The following PRIM2 variants were observed in gnomAD, a reference collection of about 807,000 sequenced individuals.
The protein encoded by PRIM2 is DNA primase subunit 2, also known as DNA primase large subunit.
Under a neutral mutation model 67.3 loss-of-function variants are expected in PRIM2, and 39 were observed. That is an observed-to-expected ratio of 0.58 (90% CI 0.45 to 0.76). The LOEUF is 0.76. PRIM2 is among the 30% of genes least tolerant of loss of function. The pLI is 0.00. For missense variants in PRIM2, 398 were observed against 598.7 expected (o/e 0.66, Z 3.50); for synonymous variants, 143 against 198.7 (o/e 0.72, Z 2.36).
At chr6:57,563,502 T>C (rs1356826098) in intron 10 of PRIM2, among the ~76,000 whole-genome samples, 2 of 152,184 alleles carry the variant, frequency 1.3e-5, no homozygotes, top group African/African-American at 4.8e-5. Context: ...ATTTGGGGCA[T>C]AAGGTTACGT....
At chr6:57,408,277 C>T (rs527937058) in intron 7 of PRIM2, among the ~76,000 whole-genome samples, 6 of 152,102 alleles carry the variant, frequency 3.9e-5, no homozygotes, top group South Asian at 4.1e-4. Flanking sequence ...AAGCAAGAAG[C>T]GCCCCTTTAC....
chr6:57,610,274 GC>G (rs1460325974), intron 12 of PRIM2, among the ~76,000 whole-genome samples: 2 of 152,012 alleles, frequency 1.3e-5, no homozygotes, highest in Non-Finnish European at 2.9e-5. Flanking sequence ...CACCATGTTG[GC>G]CAGGCCAGTC....
chr6:57,393,204 ATTCT>A (rs1770414533), intron 7 of PRIM2, among the ~76,000 whole-genome samples: 1 of 151,788 alleles, frequency 6.6e-6, no homozygotes, highest in African/African-American at 2.4e-5. Flanking sequence ...GCAGTTCTTG[ATTCT>A]TTTAGTTCTT....
At chr6:57,614,019 C>A (rs1275262798) in intron 12 of PRIM2, among the ~76,000 whole-genome samples, 3 of 152,044 alleles carry the variant, frequency 2.0e-5, no homozygotes, top group Non-Finnish European at 4.4e-5. Context: ...CAGGGCTGTT[C>A]ATTATATCAG....
At chr6:57,449,460 A>G (rs1477560850) in intron 7 of PRIM2, among the ~76,000 whole-genome samples, 5 of 152,164 alleles carry the variant, frequency 3.3e-5, no homozygotes, top group Admixed American at 6.5e-5. Flanking sequence ...TTTTATGTAA[A>G]TACATCCCAT....
intron 7 of PRIM2, among the ~76,000 whole-genome samples, chr6:57,418,770 C>G (rs13207578): frequency 2.6e-5 from 4 of 152,096 alleles, no homozygotes; most frequent in African/African-American, 7.2e-5. Context: ...TCCACAGTCT[C>G]TATAGAGGGA....
At chr6:57,364,445 T>C (rs5009315) in intron 5 of PRIM2, among the ~76,000 whole-genome samples, 2 of 152,206 alleles carry the variant, frequency 1.3e-5, no homozygotes, top group Non-Finnish European at 2.9e-5. Context: ...TTTTAAACCG[T>C]ATTTAGGATT....
chr6:57,619,399 C>T (rs1173803445), intron 12 of PRIM2, among the ~76,000 whole-genome samples: 7 of 152,206 alleles, frequency 4.6e-5, no homozygotes, highest in East Asian at 1.9e-4. Context: ...CACCAGCAAT[C>T]GATCCAAACC....
chr6:57,624,373 T>C (rs1776909317), intron 12 of PRIM2, among the ~76,000 whole-genome samples: 1 of 152,204 alleles, frequency 6.6e-6, no homozygotes, highest in African/African-American at 2.4e-5. Flanking sequence ...ACTAAGAAAA[T>C]CAGTATTTTG....
chr6:57,446,881 G>A (rs1772385921), intron 7 of PRIM2, among the ~76,000 whole-genome samples: 1 of 152,170 alleles, frequency 6.6e-6, no homozygotes, highest in African/African-American at 2.4e-5. Flanking sequence ...GGAAGGGAAG[G>A]TAGAAGTTGG....
At chr6:57,274,943 ATTTT>A in the PRIM2 span, among the ~76,000 whole-genome samples, 1 of 137,386 alleles carries the variant, frequency 7.3e-6, no homozygotes, top group Non-Finnish European at 1.5e-5. Flanking sequence ...CACCTGGCTA[ATTTT>A]TTTTTTTTTT....
At chr6:57,292,591 G>A in the PRIM2 span, among the ~76,000 whole-genome samples, 1,154 of 152,090 alleles carry the variant, frequency 7.6e-3, 15 homozygotes, top group African/African-American at 0.027. Flanking sequence ...ACCTGACTTC[G>A]AACTAAACTA....
chr6:57,620,823 G>A (rs1324088798), intron 12 of PRIM2, among the ~76,000 whole-genome samples: 1 of 152,278 alleles, frequency 6.6e-6, no homozygotes, highest in East Asian at 1.9e-4. Context: ...ACAATCTGCT[G>A]CCTTCAGGAG....
chr6:57,637,559 A>T (rs1777143116), intron 13 of PRIM2, among the ~76,000 whole-genome samples: 1 of 152,206 alleles, frequency 6.6e-6, no homozygotes. Flanking sequence ...TAGAGAACAT[A>T]AATGACCTGA....
At chr6:57,445,953 G>A (rs1036440804) in intron 7 of PRIM2, among the ~76,000 whole-genome samples, 1 of 152,234 alleles carries the variant, frequency 6.6e-6, no homozygotes, top group Non-Finnish European at 1.5e-5. Context: ...AGTAATGTAT[G>A]TGTATGCTGC....
At position 57,603,998 on chromosome 6, in the gene PRIM2, G is replaced by T. The variant is rs1421864823; in HGVS notation, c.1148-2377G>T. On this transcript the variant is annotated intron_variant, in intron 11 of 13. Coordinates refer to ENST00000615550, the MANE Select transcript of PRIM2 (RefSeq NM_000947.5). Reference sequence around the variant, plus strand: ...TTGGCTGTCAGCTTGAACATTGTTGGTATGTAGAAATGCTACTGATTTTTA... The same window carrying T: ...TTGGCTGTCAGCTTGAACATTGTTGTTATGTAGAAATGCTACTGATTTTTA... Among the ~76,000 whole-genome samples the T allele has an allele frequency of 1.4e-4, 21 of 152,224 alleles. No homozygotes were observed. In the South Asian group the frequency reaches 4.4e-3, roughly 32 times the overall value.
the PRIM2 span, among the ~76,000 whole-genome samples, chr6:57,242,629 T>A: frequency 6.6e-6 from 1 of 152,356 alleles, no homozygotes; most frequent in East Asian, 1.9e-4. Flanking sequence ...ATTTTAAAGT[T>A]CTTACTGTAT....
chr6:57,572,449 C>T (rs1429528692), intron 10 of PRIM2, among the ~76,000 whole-genome samples: 8 of 152,078 alleles, frequency 5.3e-5, no homozygotes, highest in East Asian at 3.8e-4. Context: ...AAACAGCTTG[C>T]GCTTGTTGGT....
At chr6:57,439,411 T>G (rs868943358) in intron 7 of PRIM2, among the ~76,000 whole-genome samples, 62 of 107,816 alleles carry the variant, frequency 5.8e-4, no homozygotes, top group African/African-American at 3.2e-3. Context: ...TCTGTTTTTT[T>G]TTTTTTTTTT....
Sources: allele counts gnomAD v4.1 joint callset (sites outside exome capture counted in the v4.1 genomes callset), GRCh38; gene constraint gnomAD v4.1.1; transcripts MANE v1.5; gene names NCBI Gene and HGNC (gene_info 2026-07-23, HGNC 2026-07-21).